Variants in RP1 observed in about 807,000 individuals in gnomAD.
RP1 encodes the protein RP1 axonemal microtubule associated.
RP1 carries 16 observed loss-of-function variants against 14.8 expected under a neutral mutation model. The observed-to-expected ratio is 1.08, with a 90% CI of 0.73 to 1.65. The LOEUF is 1.65. RP1 is among the 40% of genes most tolerant of loss of function. RP1 has a pLI of 0.00. For missense variants in RP1, 2,631 were observed against 2,535.0 expected (o/e 1.04, Z -0.81); for synonymous variants, 876 against 883.6 (o/e 0.99, Z 0.15).
intron 24 of RP1, among the ~76,000 whole-genome samples, chr8:54,827,791 G>A (rs969037188): frequency 6.6e-6 from 1 of 152,128 alleles, no homozygotes; most frequent in African/African-American, 2.4e-5. Context: ...TCAGCTACTC[G>A]GGAGGCTGAG....
intron 24 of RP1, among the ~76,000 whole-genome samples, chr8:54,791,509 A>G (rs894258619): frequency 2.0e-5 from 3 of 152,182 alleles, no homozygotes; most frequent in Non-Finnish European, 2.9e-5. Flanking sequence ...TTAAAAATGT[A>G]TTAAAAATAA....
At chr8:54,615,677 G>A (rs1805699615), upstream of RP1, among the ~76,000 whole-genome samples, 1 of 152,186 alleles carries the variant, frequency 6.6e-6, no homozygotes, top group Non-Finnish European at 1.5e-5. Context: ...TAATAAGCAA[G>A]AGTGCCTAAA....
At chr8:54,809,464 T>C (rs1427363870) in intron 24 of RP1, among the ~76,000 whole-genome samples, 2 of 152,200 alleles carry the variant, frequency 1.3e-5, no homozygotes, top group African/African-American at 2.4e-5. Context: ...ATCTGAATTA[T>C]GTATTAATAA....
rs1806225385 is a variant in RP1, at chr8:54,630,518, C to T, written c.*165C>T. Reference sequence around the variant, plus strand: ...ATAACCAGTTTGACTTTCATAATGTCTCTGTTTTTTGTTTTTCCAACAATT... The same window carrying T: ...ATAACCAGTTTGACTTTCATAATGTTTCTGTTTTTTGTTTTTCCAACAATT... On this transcript the variant is annotated 3_prime_UTR_variant, in exon 4 of 4. Transcript: ENST00000220676. The T allele has an allele frequency of 7.0e-7, 1 of 1,420,370 alleles. No homozygotes were observed. Among genetic ancestry groups the T allele is most frequent in the African/African-American group, 1.4e-5 (1 of 69,058 alleles). 88.0% of individuals were successfully genotyped at this position (1,420,370 alleles called of 1,614,324 possible). A position where few individuals can be genotyped will look rare whatever the true frequency, so the allele number is the denominator to read the frequency against.
intron 12 of RP1, among the ~76,000 whole-genome samples, chr8:54,688,398 C>G (rs1222755192): frequency 6.6e-6 from 1 of 152,096 alleles, no homozygotes; most frequent in Non-Finnish European, 1.5e-5. Flanking sequence ...ATGCCTATGT[C>G]CTGAATAGTA....
intron 24 of RP1, among the ~76,000 whole-genome samples, chr8:54,814,910 C>T (rs1196523146): frequency 6.6e-6 from 1 of 152,168 alleles, no homozygotes; most frequent in Non-Finnish European, 1.5e-5. Flanking sequence ...AGAATTTTGT[C>T]GTTTGTGAGA....
chr8:54,633,737 C>CTATATATATATATATA (rs59614361), downstream of RP1, among the ~76,000 whole-genome samples: 6 of 118,804 alleles, frequency 5.1e-5, no homozygotes, highest in African/African-American at 2.0e-4. Flanking sequence ...CTCTCTCTCT[C>CTATATATATATATATA]TATATATATA....
chr8:54,656,972 G>T (rs1042076482), intron 6 of RP1, among the ~76,000 whole-genome samples: 4 of 152,110 alleles, frequency 2.6e-5, no homozygotes, highest in African/African-American at 9.7e-5. Flanking sequence ...ATACCAACCT[G>T]TGTAGTTTTT....
intron 24 of RP1, among the ~76,000 whole-genome samples, chr8:54,836,274 G>A (rs967635225): frequency 5.3e-5 from 8 of 152,140 alleles, no homozygotes; most frequent in African/African-American, 1.7e-4. Flanking sequence ...CAGATTAAAT[G>A]GTTTCTAATT....
chr8:54,803,486 G>C (rs1171319992), intron 24 of RP1, among the ~76,000 whole-genome samples: 3 of 152,074 alleles, frequency 2.0e-5, no homozygotes, highest in Admixed American at 2.0e-4. Context: ...AGAAAACCGA[G>C]GGTCCAGGAA....
chr8:54,852,566 C>G (rs1035096264), intron 25 of RP1: 5 of 1,229,674 alleles, frequency 4.1e-6, no homozygotes, highest in Non-Finnish European at 5.1e-6. Context: ...AGATTTCTTA[C>G]ATTTCAGTGG....
At chr8:54,721,003 C>T (rs1444213518) in intron 16 of RP1, among the ~76,000 whole-genome samples, 2 of 152,122 alleles carry the variant, frequency 1.3e-5, no homozygotes, top group Admixed American at 6.5e-5. Context: ...TACTCAATAT[C>T]TGTGTCATTT....
At chr8:54,673,398 A>T (rs1200742292) in intron 7 of RP1, among the ~76,000 whole-genome samples, 1 of 152,222 alleles carries the variant, frequency 6.6e-6, no homozygotes, top group African/African-American at 2.4e-5. Flanking sequence ...TATATAAACC[A>T]TTGGAGCACA....
At chr8:54,831,401 C>CA in intron 24 of RP1, among the ~76,000 whole-genome samples, 1 of 102,720 alleles carries the variant, frequency 9.7e-6, no homozygotes. Context: ...CCTATTGTTT[C>CA]TTTTTTTTTT....
At chr8:54,826,817 A>G (rs1242808485) in intron 24 of RP1, among the ~76,000 whole-genome samples, 1 of 152,206 alleles carries the variant, frequency 6.6e-6, no homozygotes, top group East Asian at 1.9e-4. Flanking sequence ...GATACCTTTG[A>G]CAAATATGTC....
At chr8:54,799,071 C>G (rs1032497104) in intron 24 of RP1, among the ~76,000 whole-genome samples, 1 of 151,574 alleles carries the variant, frequency 6.6e-6, no homozygotes, top group African/African-American at 2.4e-5. Context: ...AAAATAAATG[C>G]CTATGCATTT....
intron 24 of RP1, among the ~76,000 whole-genome samples, chr8:54,802,664 A>G (rs975165956): frequency 5.3e-5 from 8 of 152,218 alleles, no homozygotes; most frequent in Non-Finnish European, 1.0e-4. Flanking sequence ...TATGATACAC[A>G]CAATAGGTTT....
At chr8:54,574,850 T>C (rs1283587919) in intron 1 of RP1, among the ~76,000 whole-genome samples, 2 of 152,196 alleles carry the variant, frequency 1.3e-5, no homozygotes, top group South Asian at 4.1e-4. Flanking sequence ...GTCTGGTGTC[T>C]GGGGCCCTGC....
At position 54,621,043 on chromosome 8, in the gene RP1, A is replaced by G. The variant is rs749613183; in HGVS notation, c.77A>G (p.His26Arg). ...SSEGQVPPPR[H>R]LSLTHPVVAK... ...GAAGGTCAAGTTCCACCCCCTCGCCATTTGAGCCTCACTCATCCTGTTGTG... is the reference window on the plus strand; with the variant it reads ...GAAGGTCAAGTTCCACCCCCTCGCCGTTTGAGCCTCACTCATCCTGTTGTG... The change falls in exon 2 of 4, where the codon CAT (histidine) becomes CGT (arginine). Residue 26 changes from histidine (H) to arginine (R), a missense_variant. By Grantham distance (29) the His-to-Arg change is conservative (BLOSUM62 0). Transcript: ENST00000220676. 1.2e-6 allele frequency: 2 copies of G among 1,613,996 alleles called. No homozygotes were observed. Among genetic ancestry groups the G allele is most frequent in the African/African-American group, 2.7e-5 (2 of 74,906 alleles).
Sources: gnomAD v4.1 joint callset for allele counts (sites outside exome capture counted in the v4.1 genomes callset) on GRCh38, gnomAD v4.1.1 for gene constraint, MANE v1.5 for transcripts, NCBI Gene and HGNC (gene_info 2026-07-23, HGNC 2026-07-21) for gene names.